PTPRG: variants seen among roughly 807,000 people sequenced by gnomAD.
PTPRG encodes protein tyrosine phosphatase receptor type G.
PTPRG carries 102 observed loss-of-function variants against 165.3 expected under a neutral mutation model. That is an observed-to-expected ratio of 0.62 (90% CI 0.53 to 0.73). The LOEUF (loss-of-function observed/expected upper bound fraction) is 0.73. Ranked by LOEUF, PTPRG falls within the 30% of genes least tolerant of loss-of-function variation. The pLI is 0.00. For missense variants in PTPRG, 1,866 were observed against 1,861.4 expected, an observed-to-expected ratio of 1.00 and a Z score of -0.05; for synonymous variants, 675 against 669.5, an observed-to-expected ratio of 1.01 and a Z score of -0.13.
At chr3:62,236,280 T>C (rs1458466169) in intron 14 of PTPRG, among the ~76,000 whole-genome samples, 2 of 152,212 alleles carry the variant, frequency 1.3e-5, no homozygotes, top group Non-Finnish European at 2.9e-5. Context: ...TCTTTTATTG[T>C]TGTATTTGTC....
chr3:61,831,231 T>C (rs1371249626), intron 2 of PTPRG, among the ~76,000 whole-genome samples: 6 of 152,220 alleles, frequency 3.9e-5, no homozygotes, highest in Non-Finnish European at 7.3e-5. Flanking sequence ...TGTTGCAGAA[T>C]TTTTCACTGA....
chr3:61,645,419 C>T (rs573200995), intron 1 of PTPRG, among the ~76,000 whole-genome samples: 4 of 152,334 alleles, frequency 2.6e-5, no homozygotes, highest in South Asian at 4.1e-4. Context: ...TTCCAGCCTC[C>T]CTTGCAGCTA....
chr3:61,759,051 T>G (rs547984184), intron 2 of PTPRG, among the ~76,000 whole-genome samples: 1 of 152,318 alleles, frequency 6.6e-6, no homozygotes, highest in South Asian at 2.1e-4. Flanking sequence ...AGTGGTGGTG[T>G]TAGTTTCAGT....
rs34153657 is a variant in PTPRG at position 61,680,501 on chromosome 3, G to GAAAAAA, written c.86-68365_86-68360dup. Among the ~76,000 whole-genome samples the GAAAAAA allele has an allele frequency of 2.3e-5, 2 of 85,224 alleles. 1 individual carries two copies. The highest frequency in any genetic ancestry group is 4.8e-5 in the Non-Finnish European group (2 of 41,674). The allele number at this position is 85,224 out of a possible 152,430, so 55.9% of individuals were successfully genotyped here. A position where few individuals can be genotyped will look rare whatever the true frequency, so the allele number is the denominator to read the frequency against. Reference sequence around the variant, plus strand: ...CATGTTGGCAATTATTCAGCTTTATGAAAAAAAAAAAAAAAAACACAAAAA... The same window carrying GAAAAAA: ...CATGTTGGCAATTATTCAGCTTTATGAAAAAAAAAAAAAAAAAAAAAAACACAAAAA... On this transcript the variant is annotated intron_variant, in intron 1 of 29. Transcript: ENST00000474889.
At chr3:61,583,860 C>T (rs1040450544) in intron 1 of PTPRG, among the ~76,000 whole-genome samples, 5 of 152,140 alleles carry the variant, frequency 3.3e-5, no homozygotes, top group Non-Finnish European at 7.3e-5. Flanking sequence ...AAGGTTCTCT[C>T]AATACATTCT....
chr3:61,834,802 C>T (rs1309501268), intron 2 of PTPRG, among the ~76,000 whole-genome samples: 1 of 147,354 alleles, frequency 6.8e-6, no homozygotes, highest in Non-Finnish European at 1.5e-5. Context: ...TGGAGTGAGA[C>T]TCCATCTCAA....
chr3:62,089,649 G>T (rs1446933998), intron 5 of PTPRG, among the ~76,000 whole-genome samples: 3 of 152,186 alleles, frequency 2.0e-5, no homozygotes. Flanking sequence ...CCCGTTTGGG[G>T]TCTGTTGGGA....
intron 2 of PTPRG, among the ~76,000 whole-genome samples, chr3:61,808,242 G>C (rs1459179957): frequency 6.6e-6 from 1 of 152,154 alleles, no homozygotes; most frequent in Non-Finnish European, 1.5e-5. Context: ...GAAACTAGGA[G>C]AAAACCCTCC....
intron 2 of PTPRG, among the ~76,000 whole-genome samples, chr3:61,861,948 G>C (rs1399988315): frequency 6.6e-6 from 1 of 152,172 alleles, no homozygotes; most frequent in African/African-American, 2.4e-5. Context: ...TATGACACAA[G>C]CAGAGGTGAA....
chr3:61,905,544 G>T lies in PTPRG; in HGVS notation c.191-84081G>T, dbSNP rs772378824. ...CTTTTAACAGTTAGCATACTTGCTT[G>T]TTCATCCATTTCTTTGTTAGACACG... On this transcript the variant is annotated intron_variant, in intron 2 of 29. Coordinates refer to ENST00000474889, the MANE Select transcript of PTPRG (RefSeq NM_002841.4). 6.0e-4 allele frequency among the ~76,000 whole-genome samples: 92 copies of T among 152,246 alleles called. 2 individuals carry two copies. The highest frequency in any genetic ancestry group is 1.3e-4 in the Non-Finnish European group (9 of 68,008).
At chr3:61,941,064 AT>A (rs2107605575) in intron 2 of PTPRG, among the ~76,000 whole-genome samples, 1 of 152,346 alleles carries the variant, frequency 6.6e-6, no homozygotes, top group Non-Finnish European at 1.5e-5. Context: ...AGGCAAGTTA[AT>A]TTACAGCTCT....
chr3:61,721,852 C>T (rs2032060086), intron 1 of PTPRG, among the ~76,000 whole-genome samples: 1 of 152,132 alleles, frequency 6.6e-6, no homozygotes, highest in African/African-American at 2.4e-5. Context: ...TATTTCCAGA[C>T]AATCAGCGAC....
In PTPRG at chr3:61,796,189, T is replaced by C. The variant is rs2035038790; in HGVS notation, c.190+47207T>C. Among the ~76,000 whole-genome samples the C allele has an allele frequency of 2.0e-5, 3 of 152,150 alleles. No homozygotes were observed. In the South Asian group the frequency reaches 6.2e-4, roughly 32 times the overall value. On this transcript the variant is annotated intron_variant, in intron 2 of 29. Transcript: ENST00000474889. ...CCCAAATGTTATCTATTGAGCAAGA[T>C]TAAAGAGACAGATCACCCAGGAGGC...
intron 15 of PTPRG, among the ~76,000 whole-genome samples, chr3:62,247,924 T>C (rs1241860559): frequency 6.6e-6 from 1 of 152,202 alleles, no homozygotes; most frequent in Admixed American, 6.5e-5. Flanking sequence ...TTGAAGAATT[T>C]TGAATGACCA....
At chr3:62,124,065 C>CTT in intron 5 of PTPRG, 39 of 464,470 alleles carry the variant, frequency 8.4e-5, no homozygotes, top group South Asian at 2.1e-4. Flanking sequence ...TTTTCCTTCC[C>CTT]TTTTTTTTTT....
At chr3:61,888,322 G>GTGTTTT (rs1553686765) in intron 2 of PTPRG, among the ~76,000 whole-genome samples, 4 of 149,408 alleles carry the variant, frequency 2.7e-5, no homozygotes, top group African/African-American at 1.0e-4. Context: ...AAAATGGGTT[G>GTGTTTT]TTTTTTTTGT....
intron 4 of PTPRG, among the ~76,000 whole-genome samples, chr3:62,007,821 A>G (rs1039710231): frequency 3.9e-5 from 6 of 152,246 alleles, no homozygotes; most frequent in Non-Finnish European, 4.4e-5. Flanking sequence ...AGGATATGCA[A>G]AAGCCCTGAG....
Position 62,271,367 on chromosome 3 carries a change from T to C in PTPRG, c.3010-16T>C. The C allele has an allele frequency of 6.3e-7, 1 of 1,581,790 alleles. No individual in the cohort carries two copies. Among genetic ancestry groups the C allele is most frequent in the Non-Finnish European group, 8.6e-7 (1 of 1,164,104 alleles). ...ACCCCCCCGCTTAAAGACATCTTTT[T>C]TCACTTTTCTCACAGGGTCAGAAGG... On this transcript the variant is annotated splice_polypyrimidine_tract_variant and intron_variant, in intron 20 of 29. Coordinates refer to ENST00000474889, the MANE Select transcript of PTPRG (RefSeq NM_002841.4). This position sits in a 1 kb window ranked among gnomAD's most constrained non-coding sequence, Gnocchi z 4.1.
chr3:61,608,603 C>G (rs776734441), intron 1 of PTPRG, among the ~76,000 whole-genome samples: 1 of 152,224 alleles, frequency 6.6e-6, no homozygotes, highest in Non-Finnish European at 1.5e-5. Context: ...CACCTGGATT[C>G]TTGTTCGACT....
Sources: allele counts gnomAD v4.1 joint callset (sites outside exome capture counted in the v4.1 genomes callset), GRCh38; gene constraint gnomAD v4.1.1; non-coding constraint Gnocchi (gnomAD v3.1); transcripts MANE v1.5; gene names NCBI Gene and HGNC (gene_info 2026-07-23, HGNC 2026-07-21).